Variants in ZMYM2 observed in about 807,000 individuals in gnomAD.
ZMYM2 encodes zinc finger MYM-type containing 2, also known as zinc finger MYM-type protein 2.
In ZMYM2, 56 loss-of-function variants were observed where a neutral mutation model predicts 162.8. The observed-to-expected ratio is 0.34, with a 90% CI of 0.28 to 0.43. The LOEUF is 0.43. Among genes scored for constraint, ZMYM2 ranks in the 20% least tolerant of loss-of-function variants. The pLI, the probability that ZMYM2 is intolerant of heterozygous loss-of-function variation, is 1.00. For missense variants in ZMYM2, 1,275 were observed against 1,621.8 expected, an observed-to-expected ratio of 0.79 and a Z score of 3.67; for synonymous variants, 510 against 541.6, an observed-to-expected ratio of 0.94 and a Z score of 0.81.
intron 10 of ZMYM2, among the ~76,000 whole-genome samples, chr13:20,032,129 C>G (rs1953221037): frequency 6.6e-6 from 1 of 152,114 alleles, no homozygotes; most frequent in African/African-American, 2.4e-5. Flanking sequence ...CCTCAGCCTC[C>G]CAAAGTGCTG....
intron 10 of ZMYM2, among the ~76,000 whole-genome samples, chr13:20,032,848 A>G (rs1449611667): frequency 5.3e-5 from 8 of 152,106 alleles, no homozygotes; most frequent in Middle Eastern, 6.8e-3. Flanking sequence ...GCCTCAGGCA[A>G]TCCGCCCGCC....
At chr13:19,946,780 T>C in the ZMYM2 span, among the ~76,000 whole-genome samples, 2 of 152,230 alleles carry the variant, frequency 1.3e-5, no homozygotes, top group Non-Finnish European at 2.9e-5. Flanking sequence ...TTTATAATAA[T>C]GACTAATTTT....
chr13:19,956,577 T>G (rs760013984), upstream of ZMYM2, among the ~76,000 whole-genome samples: 1 of 152,212 alleles, frequency 6.6e-6, no homozygotes. Context: ...CAATGAACAG[T>G]TGCATGGACA....
chr13:19,910,409 G>A, the ZMYM2 span, among the ~76,000 whole-genome samples: 7 of 152,216 alleles, frequency 4.6e-5, no homozygotes, highest in East Asian at 1.9e-4. Context: ...GACCTATCTC[G>A]GTTTACTGAA....
At chr13:20,073,285 C>G (rs973449843) in intron 21 of ZMYM2, among the ~76,000 whole-genome samples, 1 of 152,084 alleles carries the variant, frequency 6.6e-6, no homozygotes, top group African/African-American at 2.4e-5. Context: ...ATAATTTAGG[C>G]CTTGCAGACC....
the ZMYM2 span, among the ~76,000 whole-genome samples, chr13:19,948,786 G>C: frequency 3.9e-5 from 6 of 152,106 alleles, no homozygotes; most frequent in African/African-American, 1.2e-4. Context: ...TGTGGAATGG[G>C]GTGTGTGGGA....
chr13:20,006,741 A>G (rs1950774617), intron 6 of ZMYM2, among the ~76,000 whole-genome samples, 155 bp downstream of exon 6: 5 of 152,204 alleles, frequency 3.3e-5, no homozygotes, highest in Admixed American at 2.0e-4. Flanking sequence ...CTGAATGCAT[A>G]GTGCTTTGTA....
intron 2 of ZMYM2, among the ~76,000 whole-genome samples, chr13:19,971,262 A>ATATATATATATATATATAT (rs1329532735): frequency 6.4e-5 from 5 of 78,334 alleles, no homozygotes; most frequent in Non-Finnish European, 1.2e-4. Flanking sequence ...ATATATATAT[A>ATATATATATATATATATAT]TTTTTTTTTT....
At chr13:20,072,523 A>AAAAT (rs1446463185) in intron 21 of ZMYM2, among the ~76,000 whole-genome samples, 161 of 152,328 alleles carry the variant, frequency 1.1e-3, no homozygotes, top group African/African-American at 3.3e-3. Flanking sequence ...CTCCATCTCA[A>AAAAT]AAATAAATAA....
the ZMYM2 span, among the ~76,000 whole-genome samples, chr13:19,908,887 A>C: frequency 1.9e-3 from 297 of 152,326 alleles, 11 homozygotes; most frequent in East Asian, 0.049. Context: ...ATAAAGTCTT[A>C]CTGTTATTAC....
At chr13:20,054,871 A>G (rs541685546) in intron 14 of ZMYM2, among the ~76,000 whole-genome samples, 20 of 152,238 alleles carry the variant, frequency 1.3e-4, no homozygotes, top group East Asian at 3.9e-4. Flanking sequence ...CCATTATGCA[A>G]TGGTGGAAAT....
At chr13:19,886,030 G>A in the ZMYM2 span, among the ~76,000 whole-genome samples, 1,056 of 133,212 alleles carry the variant, frequency 7.9e-3, 44 homozygotes, top group African/African-American at 0.028. Flanking sequence ...TTAAAATACC[G>A]GCCTGGTATT....
intron 16 of ZMYM2, among the ~76,000 whole-genome samples, chr13:20,060,345 T>C (rs567919150): frequency 1.2e-3 from 179 of 152,308 alleles, no homozygotes; most frequent in Admixed American, 2.5e-3. Flanking sequence ...CTGTGCCTGC[T>C]CTGTGCATAT....
intron 21 of ZMYM2, among the ~76,000 whole-genome samples, chr13:20,075,069 A>C (rs1297499148): frequency 1.3e-5 from 2 of 152,164 alleles, no homozygotes; most frequent in Non-Finnish European, 1.5e-5. Flanking sequence ...TAATCCTGAA[A>C]CTCAGTGTAA....
At chr13:20,043,439 G>A (rs538621975) in intron 12 of ZMYM2, among the ~76,000 whole-genome samples, 1 of 152,314 alleles carries the variant, frequency 6.6e-6, no homozygotes, top group South Asian at 2.1e-4. Context: ...CACAGTGGTG[G>A]ATGCAATGTG....
the ZMYM2 span, among the ~76,000 whole-genome samples, chr13:19,884,706 A>G: frequency 0.012 from 1,830 of 152,208 alleles, 38 homozygotes; most frequent in African/African-American, 0.04. Flanking sequence ...CTTGCGGCGG[A>G]TTCCTGGTCC....
At position 20,016,239 on chromosome 13, in the gene ZMYM2, G is replaced by A. The variant is rs147723021; in HGVS notation, c.1513-3308G>A. On this transcript the variant is annotated intron_variant, in intron 6 of 24. Coordinates refer to ENST00000610343, the MANE Select transcript of ZMYM2 (RefSeq NM_197968.4). ...AACATCCTATAATTCAATCTAATGT[G>A]AATTTATAACAAGTTAATCAGCTTT... is the stretch of plus-strand genomic sequence containing the variant. 3.9e-3 allele frequency among the ~76,000 whole-genome samples: 597 copies of A among 152,052 alleles called. 2 individuals are homozygous for A. The highest frequency in any genetic ancestry group is 5.1e-3 in the Non-Finnish European group (347 of 67,916).
At chr13:19,917,138 AT>A in the ZMYM2 span, among the ~76,000 whole-genome samples, 1 of 151,848 alleles carries the variant, frequency 6.6e-6, no homozygotes, top group South Asian at 2.1e-4. Context: ...AATTTTTTGT[AT>A]TTTTAGTAGA....
At chr13:19,951,574 C>T in the ZMYM2 span, among the ~76,000 whole-genome samples, 10 of 143,346 alleles carry the variant, frequency 7.0e-5, no homozygotes, top group East Asian at 1.0e-3. Context: ...TCGTGGTGTG[C>T]GCATGTAATT....
Sources: gnomAD v4.1 joint callset for allele counts (sites outside exome capture counted in the v4.1 genomes callset) on GRCh38, gnomAD v4.1.1 for gene constraint, MANE v1.5 for transcripts, NCBI Gene and HGNC (gene_info 2026-07-23, HGNC 2026-07-21) for gene names.